The following NCKAP5 variants were observed in gnomAD, a reference collection of about 807,000 sequenced individuals.
NCKAP5 encodes the protein nck-associated protein 5.
A neutral mutation model predicts 167.0 loss-of-function variants in NCKAP5; 92 were observed. That is an observed-to-expected ratio of 0.55 (90% CI 0.47 to 0.66). The LOEUF (loss-of-function observed/expected upper bound fraction) is 0.66, where lower values mean the gene tolerates loss of function less well. Ranked by LOEUF, NCKAP5 falls within the 30% of genes least tolerant of loss-of-function variation. NCKAP5 has a pLI of 0.00. For missense variants in NCKAP5, 2,378 were observed against 2,315.0 expected, an observed-to-expected ratio of 1.03 and a Z score of -0.56; for synonymous variants, 891 against 877.4, an observed-to-expected ratio of 1.02 and a Z score of -0.27.
the NCKAP5 span, among the ~76,000 whole-genome samples, chr2:133,642,970 T>G: frequency 6.6e-6 from 1 of 152,206 alleles, no homozygotes; most frequent in South Asian, 2.1e-4. Context: ...ATGCCATCAT[T>G]GCAATAGTGC....
intron 5 of NCKAP5, among the ~76,000 whole-genome samples, chr2:133,181,603 C>CAAAAAA (rs34264277): frequency 4.2e-5 from 3 of 71,146 alleles, no homozygotes; most frequent in African/African-American, 5.8e-5. Flanking sequence ...CCCATCTCTA[C>CAAAAAA]AAAAAAAAAA....
intron 5 of NCKAP5, among the ~76,000 whole-genome samples, chr2:133,166,868 GTC>G (rs1427496590): frequency 1.3e-5 from 2 of 152,042 alleles, no homozygotes; most frequent in East Asian, 3.9e-4. Flanking sequence ...TCTTTTTGTA[GTC>G]TCTGGCAGTC....
Position 133,437,444 on chromosome 2 carries a change from C to A in NCKAP5, c.69+80014G>T, listed in dbSNP as rs145893783. ...ACATGGTAACTGTTAGAAAGGCTGG[C>A]GTAAAAAACTGAACAAAGAAACAAA... On this transcript the variant is annotated intron_variant, in intron 3 of 19. Transcript: ENST00000409261. Among the ~76,000 whole-genome samples, 11 of 152,048 alleles carry A rather than the reference C, an allele frequency of 7.2e-5. No individual in the cohort carries two copies. In the East Asian group the frequency reaches 1.9e-3, roughly 27 times the overall value.
At chr2:133,222,442 A>G (rs1244913414) in intron 4 of NCKAP5, among the ~76,000 whole-genome samples, 1 of 152,188 alleles carries the variant, frequency 6.6e-6, no homozygotes, top group Non-Finnish European at 1.5e-5. Context: ...TACATTCAAT[A>G]TGCTGCAATG....
chr2:133,465,066 G>A (rs1348379944), intron 3 of NCKAP5, among the ~76,000 whole-genome samples: 2 of 151,258 alleles, frequency 1.3e-5, no homozygotes, highest in African/African-American at 4.9e-5. Flanking sequence ...GTGCAGGTTA[G>A]TTACATATGT....
In NCKAP5 at chr2:132,775,434, G is replaced by T. The variant is rs1682465660; in HGVS notation, c.5050-1540C>A. On this transcript the variant is annotated intron_variant, in intron 15 of 19. Transcript: ENST00000409261. ...AACTCAACACTGGCAAGGACAGATCGTTAAGCGTTCAGTATCAAGAGGCCA... is the reference window on the plus strand; with the variant it reads ...AACTCAACACTGGCAAGGACAGATCTTTAAGCGTTCAGTATCAAGAGGCCA... Among the ~76,000 whole-genome samples the T allele has an allele frequency of 1.3e-5, 2 of 152,192 alleles. 1 individual carries two copies. Among genetic ancestry groups the T allele is most frequent in the South Asian group, 4.1e-4 (2 of 4,826 alleles).
At chr2:133,617,138 T>G in the NCKAP5 span, among the ~76,000 whole-genome samples, 3 of 152,182 alleles carry the variant, frequency 2.0e-5, no homozygotes, top group African/African-American at 7.2e-5. Context: ...AATTAGGTAT[T>G]GATGGGACAT....
intron 8 of NCKAP5, among the ~76,000 whole-genome samples, chr2:132,898,486 C>T (rs1193700972): frequency 6.6e-6 from 1 of 152,222 alleles, no homozygotes; most frequent in East Asian, 1.9e-4. Flanking sequence ...GTGATCCTTT[C>T]CACAAGGGTT....
intron 10 of NCKAP5, among the ~76,000 whole-genome samples, chr2:132,867,021 G>T (rs1257913656): frequency 1.3e-5 from 2 of 152,084 alleles, no homozygotes; most frequent in Non-Finnish European, 2.9e-5. Flanking sequence ...TGTCCCTGAG[G>T]TATGCTATCT....
At chr2:132,748,384 T>C (rs1280820236) in intron 16 of NCKAP5, among the ~76,000 whole-genome samples, 3 of 152,246 alleles carry the variant, frequency 2.0e-5, no homozygotes, top group Non-Finnish European at 4.4e-5. Context: ...AAGATTGCCA[T>C]GACCGCCTTC....
At chr2:132,732,323 A>G (rs930224879) in intron 16 of NCKAP5, among the ~76,000 whole-genome samples, 18 of 151,742 alleles carry the variant, frequency 1.2e-4, no homozygotes, top group African/African-American at 4.3e-4. Flanking sequence ...ATTAGGAGAT[A>G]TACCTAATGT....
intron 3 of NCKAP5, among the ~76,000 whole-genome samples, chr2:133,412,563 TCA>T (rs1688843203): frequency 6.6e-6 from 1 of 152,166 alleles, no homozygotes; most frequent in African/African-American, 2.4e-5. Flanking sequence ...CTTCTGCCAT[TCA>T]CTATTGACCA....
intron 5 of NCKAP5, among the ~76,000 whole-genome samples, chr2:133,197,373 G>C (rs780216376): frequency 2.0e-5 from 3 of 152,160 alleles, no homozygotes; most frequent in Non-Finnish European, 4.4e-5. Context: ...CCCACAGAAG[G>C]CAGGTCAGAA....
the NCKAP5 span, among the ~76,000 whole-genome samples, chr2:133,615,513 A>G: frequency 6.6e-6 from 1 of 152,222 alleles, no homozygotes; most frequent in Admixed American, 6.5e-5. Context: ...ACTCTCTGAT[A>G]AAACAGACTT....
chr2:133,435,705 A>G (rs1390945564), intron 3 of NCKAP5, among the ~76,000 whole-genome samples: 1 of 152,252 alleles, frequency 6.6e-6, no homozygotes, highest in Non-Finnish European at 1.5e-5. Context: ...AATCCACTGA[A>G]TAATCGGTTT....
At chr2:133,159,656 G>A (rs1443662893) in intron 5 of NCKAP5, among the ~76,000 whole-genome samples, 2 of 152,208 alleles carry the variant, frequency 1.3e-5, no homozygotes, top group Non-Finnish European at 2.9e-5. Flanking sequence ...ATTCAGAGGA[G>A]AGAAAAGTCA....
the NCKAP5 span, among the ~76,000 whole-genome samples, chr2:133,589,713 G>T: frequency 6.6e-6 from 1 of 152,188 alleles, no homozygotes; most frequent in Non-Finnish European, 1.5e-5. Context: ...TATGGATGTA[G>T]GGAGCCATCC....
At chr2:132,786,050 G>A (rs1683538577) in intron 13 of NCKAP5, among the ~76,000 whole-genome samples, 1 of 152,198 alleles carries the variant, frequency 6.6e-6, no homozygotes, top group Non-Finnish European at 1.5e-5. Context: ...TAAGTACTCT[G>A]GAGATTCAGA....
At chr2:132,926,166 A>G in intron 8 of NCKAP5, 1 of 373,056 alleles carries the variant, frequency 2.7e-6, no homozygotes, top group South Asian at 2.2e-5. Context: ...TTTCTGAGTT[A>G]TTTCTCTTAG....
Sources: allele counts gnomAD v4.1 joint callset (sites outside exome capture counted in the v4.1 genomes callset), GRCh38; gene constraint gnomAD v4.1.1; transcripts MANE v1.5; gene names NCBI Gene and HGNC (gene_info 2026-07-23, HGNC 2026-07-21).